The following DNAJC5B variants were observed in gnomAD, a reference collection of about 807,000 sequenced individuals.
DNAJC5B encodes DnaJ heat shock protein family (Hsp40) member C5 beta.
Under a neutral mutation model 24.7 loss-of-function variants are expected in DNAJC5B, and 23 were observed. The observed-to-expected ratio is 0.93, with a 90% CI of 0.67 to 1.32. The LOEUF is 1.32. DNAJC5B is among the 40% of genes most tolerant of loss of function. DNAJC5B has a pLI of 0.00. For synonymous variants in DNAJC5B, 101 were observed against 90.1 expected (o/e 1.12, Z -0.68); for missense variants, 238 against 240.8 (o/e 0.99, Z 0.08).
chr8:66,016,900 T>C (rs910505929), upstream of DNAJC5B, among the ~76,000 whole-genome samples: 7 of 152,326 alleles, frequency 4.6e-5, no homozygotes, highest in East Asian at 1.9e-4. Flanking sequence ...GTCTTCACAG[T>C]GTGTCTCATG....
At chr8:66,020,175 T>A (rs1806073651), upstream of DNAJC5B, among the ~76,000 whole-genome samples, 2 of 152,236 alleles carry the variant, frequency 1.3e-5, no homozygotes, top group African/African-American at 4.8e-5. Flanking sequence ...CCTTTCCACT[T>A]AATTAGCTTT....
intron 2 of DNAJC5B, among the ~76,000 whole-genome samples, chr8:66,049,634 C>G (rs1806802224): frequency 6.6e-6 from 1 of 152,164 alleles, no homozygotes; most frequent in South Asian, 2.1e-4. Flanking sequence ...AGATGCATTT[C>G]TCGGAACATA....
chr8:66,015,536 A>G, the DNAJC5B span, among the ~76,000 whole-genome samples: 1 of 141,278 alleles, frequency 7.1e-6, no homozygotes, highest in South Asian at 2.1e-4. Context: ...TTTTATGCTG[A>G]GAAGGGAGAG....
At position 66,100,322 on chromosome 8, in the gene DNAJC5B, C is replaced by T. The variant is rs1808048296; in HGVS notation, c.*291C>T. Reference sequence around the variant, plus strand: ...AATTGTACAGCCTTTATGAACCTGCCCTTTATGTGTGGCAGATCTGATTCC... The same window carrying T: ...AATTGTACAGCCTTTATGAACCTGCTCTTTATGTGTGGCAGATCTGATTCC... On this transcript the variant is annotated 3_prime_UTR_variant, in exon 6 of 6. Coordinates refer to ENST00000276570, the MANE Select transcript of DNAJC5B (RefSeq NM_033105.6). The T allele has an allele frequency of 4.3e-6, 1 of 232,978 alleles. No homozygotes were observed. Among genetic ancestry groups the T allele is most frequent in the Non-Finnish European group, 8.4e-6 (1 of 119,404 alleles). The allele number at this position is 232,978 out of a possible 1,614,324, so 14.4% of individuals were successfully genotyped here. A position where few individuals can be genotyped will look rare whatever the true frequency, so the allele number is the denominator to read the frequency against.
At chr8:66,038,123 G>A (rs935239488) in intron 1 of DNAJC5B, among the ~76,000 whole-genome samples, 3 of 152,230 alleles carry the variant, frequency 2.0e-5, no homozygotes, top group Admixed American at 1.3e-4. Flanking sequence ...ATAATTGGTA[G>A]CAGATCATTT....
At chr8:66,041,659 C>T (rs1806612242) in intron 1 of DNAJC5B, among the ~76,000 whole-genome samples, 1 of 152,172 alleles carries the variant, frequency 6.6e-6, no homozygotes, top group Non-Finnish European at 1.5e-5. Flanking sequence ...ATCCACTTGG[C>T]AATGCTTTTA....
At chr8:66,024,008 T>A (rs1312428814) in intron 1 of DNAJC5B, among the ~76,000 whole-genome samples, 7 of 152,208 alleles carry the variant, frequency 4.6e-5, no homozygotes, top group Non-Finnish European at 1.5e-5. Flanking sequence ...AAATGAAGAA[T>A]TTTTAAATAT....
chr8:66,063,642 A>C (rs1379722195), intron 3 of DNAJC5B, among the ~76,000 whole-genome samples: 1 of 152,212 alleles, frequency 6.6e-6, no homozygotes, highest in Non-Finnish European at 1.5e-5. Context: ...TTAGTTCTTC[A>C]TGCAGTGCCA....
intron 1 of DNAJC5B, among the ~76,000 whole-genome samples, chr8:66,037,506 A>ATGGAC (rs1298196906): frequency 2.6e-5 from 4 of 152,076 alleles, no homozygotes; most frequent in Non-Finnish European, 5.9e-5. Flanking sequence ...TCTCCTGTCT[A>ATGGAC]ATCGTGAGTG....
chr8:66,016,441 TG>T, the DNAJC5B span, among the ~76,000 whole-genome samples: 1,123 of 152,276 alleles, frequency 7.4e-3, 13 homozygotes, highest in African/African-American at 0.025. Context: ...TCTGCCACAC[TG>T]GGAAGAAGGT....
At chr8:66,094,777 G>T (rs1807915170) in intron 5 of DNAJC5B, among the ~76,000 whole-genome samples, 2 of 152,026 alleles carry the variant, frequency 1.3e-5, no homozygotes, top group African/African-American at 4.8e-5. Context: ...TAAGAAAATT[G>T]TCTTCTATTC....
intron 5 of DNAJC5B, among the ~76,000 whole-genome samples, chr8:66,084,347 G>T (rs938731934): frequency 6.6e-6 from 1 of 152,098 alleles, no homozygotes; most frequent in African/African-American, 2.4e-5. Flanking sequence ...CAATCATCAA[G>T]GTTTGAATCC....
At chr8:66,061,926 A>G (rs1807090987) in intron 3 of DNAJC5B, among the ~76,000 whole-genome samples, 1 of 152,034 alleles carries the variant, frequency 6.6e-6, no homozygotes, top group African/African-American at 2.4e-5. Flanking sequence ...ACAAGGAGGC[A>G]TTCAGGTGGC....
Position 66,076,791 on chromosome 8 carries a change from G to A in DNAJC5B, c.251G>A (p.Gly84Glu), listed in dbSNP as rs752225988. Residue 84 changes from glycine to glutamate, a missense_variant, in exon 4 of 6, where the codon GGA becomes GAA. Transcript: ENST00000276570. ...AAGAGAAGCATATACGACAAGTACG[G>A]ATCGCTGGGACTCTACGTGGCCGAG... ...ISKRSIYDKY[G>E]SLGLYVAEQF... 1.9e-5 allele frequency: 31 copies of A among 1,614,052 alleles called. No homozygotes were observed. The highest frequency in any genetic ancestry group is 2.5e-5 in the Non-Finnish European group (29 of 1,180,030).
chr8:66,051,725 G>T, intron 3 of DNAJC5B, 59 bp downstream of exon 3: 1 of 1,294,310 alleles, frequency 7.7e-7, no homozygotes, highest in South Asian at 1.3e-5. Flanking sequence ...GTGACTGGCA[G>T]ATTCCTCCAT....
Position 66,027,923 on chromosome 8 carries a change from G to A in DNAJC5B, c.-142+6218G>A, listed in dbSNP as rs552173783. 6.6e-5 allele frequency among the ~76,000 whole-genome samples: 10 copies of A among 152,304 alleles called. No homozygotes were observed. The East Asian group carries it at 1.9e-3, about 29-fold the overall frequency. The stretch of plus-strand genomic sequence containing the variant: ...GACTGTACTAGGCACTGTGACAACA[G>A]CAAAATAAAATGTTTGACATAAGTT... On this transcript the variant is annotated intron_variant, in intron 1 of 5. Transcript: ENST00000276570.
chr8:66,023,795 A>G (rs1806193183), intron 1 of DNAJC5B, among the ~76,000 whole-genome samples: 1 of 152,204 alleles, frequency 6.6e-6, no homozygotes, highest in Admixed American at 6.5e-5. Context: ...TTTGGAATTA[A>G]CATGATAGTG....
intron 3 of DNAJC5B, among the ~76,000 whole-genome samples, chr8:66,064,639 G>T (rs1563600681): frequency 6.6e-6 from 1 of 152,188 alleles, no homozygotes; most frequent in Non-Finnish European, 1.5e-5. Context: ...GGGAGCTTGG[G>T]CCAGATACAG....
intron 5 of DNAJC5B, among the ~76,000 whole-genome samples, chr8:66,083,985 C>T (rs750710873): frequency 1.3e-5 from 2 of 152,190 alleles, no homozygotes; most frequent in Non-Finnish European, 2.9e-5. Flanking sequence ...CCAACAGGCC[C>T]TTGGAAGGCA....
Sources: allele counts gnomAD v4.1 joint callset (sites outside exome capture counted in the v4.1 genomes callset), GRCh38; gene constraint gnomAD v4.1.1; transcripts MANE v1.5; gene names NCBI Gene and HGNC (gene_info 2026-07-23, HGNC 2026-07-21).